DCLK1: variants seen among roughly 807,000 people sequenced by gnomAD.
DCLK1 encodes the protein serine/threonine-protein kinase DCLK1.
Under a neutral mutation model 86.2 loss-of-function variants are expected in DCLK1, and 16 were observed. The ratio of observed to expected loss-of-function variants is 0.19; its 90% CI spans 0.13 to 0.28. DCLK1 has a LOEUF of 0.28. Ranked by LOEUF, DCLK1 falls within the 10% of genes least tolerant of loss-of-function variation. The pLI is 1.00. For synonymous variants in DCLK1, 369 were observed against 370.5 expected, an observed-to-expected ratio of 1.00 and a Z score of 0.05; for missense variants, 590 against 940.2, an observed-to-expected ratio of 0.63 and a Z score of 4.87.
chr13:35,979,449 T>C (rs200003417), intron 3 of DCLK1, among the ~76,000 whole-genome samples: 1 of 152,116 alleles, frequency 6.6e-6, no homozygotes, highest in Non-Finnish European at 1.5e-5. Flanking sequence ...GCTTGGCAAA[T>C]GCATGACAGC....
intron 3 of DCLK1, among the ~76,000 whole-genome samples, chr13:36,027,869 C>T (rs1190273543): frequency 6.6e-6 from 1 of 152,070 alleles, no homozygotes; most frequent in African/African-American, 2.4e-5. Context: ...AGTAGTGGGA[C>T]TATAGGTGCA....
At chr13:35,863,359 T>G (rs972407325) in intron 5 of DCLK1, among the ~76,000 whole-genome samples, 8 of 152,218 alleles carry the variant, frequency 5.3e-5, no homozygotes, top group African/African-American at 1.7e-4. Context: ...CAGTAGATAC[T>G]CAGGAAATAT....
At chr13:35,853,534 C>A (rs1870812869) in intron 6 of DCLK1, among the ~76,000 whole-genome samples, 1 of 152,180 alleles carries the variant, frequency 6.6e-6, no homozygotes, top group Non-Finnish European at 1.5e-5. Flanking sequence ...ACAACCTGTG[C>A]AGAAATCTTG....
At chr13:35,980,563 G>A (rs140881199) in intron 3 of DCLK1, among the ~76,000 whole-genome samples, 3 of 152,248 alleles carry the variant, frequency 2.0e-5, no homozygotes, top group African/African-American at 7.2e-5. Context: ...TCTACTTTCT[G>A]TCTTTTTAAT....
intron 4 of DCLK1, among the ~76,000 whole-genome samples, chr13:35,891,540 T>C (rs967870126): frequency 3.9e-5 from 6 of 152,326 alleles, no homozygotes; most frequent in Middle Eastern, 3.4e-3. Context: ...CTAAAATTGA[T>C]TGTGGTGACG....
intron 3 of DCLK1, among the ~76,000 whole-genome samples, chr13:35,959,163 T>A (rs1878310265): frequency 6.6e-6 from 1 of 152,210 alleles, no homozygotes; most frequent in South Asian, 2.1e-4. Flanking sequence ...ATATTTCCTC[T>A]TTGTCTTCAT....
intron 6 of DCLK1, chr13:35,848,638 A>T (rs184857547): frequency 1.4e-5 from 14 of 985,372 alleles, no homozygotes; most frequent in Non-Finnish European, 8.4e-6. Flanking sequence ...ACCACTTAGA[A>T]CAAATAGCAT....
chr13:35,801,950 G>T (rs1376016085), intron 15 of DCLK1, among the ~76,000 whole-genome samples: 2 of 152,074 alleles, frequency 1.3e-5, no homozygotes, highest in Non-Finnish European at 2.9e-5. Context: ...TGCACATTCT[G>T]CTGGAACTGA....
intron 4 of DCLK1, among the ~76,000 whole-genome samples, chr13:35,875,167 T>C (rs1186593678): frequency 1.3e-5 from 2 of 152,234 alleles, no homozygotes; most frequent in Non-Finnish European, 2.9e-5. Flanking sequence ...TTAAGTAACA[T>C]TCAATTTTCT....
chr13:35,771,132 TG>T lies in DCLK1; in HGVS notation c.*3402del, dbSNP rs1162218624. 1.3e-5 allele frequency: 2 copies of T among 152,184 alleles called. No homozygotes were observed. Among genetic ancestry groups the T allele is most frequent in the Non-Finnish European group, 2.9e-5 (2 of 68,038 alleles). 9.4% of individuals were successfully genotyped at this position (152,184 alleles called of 1,614,324 possible). A position where few individuals can be genotyped will look rare whatever the true frequency, so the allele number is the denominator to read the frequency against. ...ACCATGATTTAATGTGCTTGAGACT[TG>T]GTCATATGGGAGCTCTGTGACCCTC... On this transcript the variant is annotated 3_prime_UTR_variant, in exon 17 of 17. Coordinates refer to ENST00000360631, the MANE Select transcript of DCLK1 (RefSeq NM_001330071.2).
At chr13:35,964,057 T>C (rs549251980) in intron 3 of DCLK1, among the ~76,000 whole-genome samples, 1 of 152,312 alleles carries the variant, frequency 6.6e-6, no homozygotes, top group South Asian at 2.1e-4. Context: ...CTGCATGAAG[T>C]TAAACTTGGA....
At chr13:35,958,131 A>ACTACAACCATCACCACCATCACTG (rs1555352808) in intron 3 of DCLK1, among the ~76,000 whole-genome samples, 3 of 49,732 alleles carry the variant, frequency 6.0e-5, no homozygotes, top group East Asian at 1.0e-3. Flanking sequence ...CACTACCACT[A>ACTACAACCATCACCACCATCACTG]CTATAACCAC....
intron 4 of DCLK1, among the ~76,000 whole-genome samples, chr13:35,910,364 T>C (rs1197644310): frequency 6.6e-6 from 1 of 152,194 alleles, no homozygotes; most frequent in African/African-American, 2.4e-5. Context: ...AAGAATGTGA[T>C]AATAACAGAG....
intron 3 of DCLK1, among the ~76,000 whole-genome samples, chr13:35,992,157 G>A (rs1001268953): frequency 2.0e-5 from 3 of 152,082 alleles, no homozygotes; most frequent in Non-Finnish European, 2.9e-5. Flanking sequence ...CTTCTAGTTC[G>A]CACTTCTTCC....
chr13:36,108,391 G>A (rs2138182010), intron 3 of DCLK1, among the ~76,000 whole-genome samples: 1 of 152,264 alleles, frequency 6.6e-6, no homozygotes, highest in South Asian at 2.1e-4. Context: ...CCTTATCTCA[G>A]TCTAAAAACA....
intron 16 of DCLK1, among the ~76,000 whole-genome samples, chr13:35,782,764 C>A (rs2086550843): frequency 6.6e-6 from 1 of 152,204 alleles, no homozygotes. Context: ...AAGCCCTAAT[C>A]CTGTTCTTGT....
intron 10 of DCLK1, among the ~76,000 whole-genome samples, chr13:35,824,864 T>C (rs2087483131): frequency 6.6e-6 from 1 of 152,130 alleles, no homozygotes; most frequent in African/African-American, 2.4e-5. Context: ...ATTTCTTCCC[T>C]AGCCATCCAA....
intron 3 of DCLK1, among the ~76,000 whole-genome samples, chr13:36,098,087 C>T (rs1350785985): frequency 6.6e-6 from 1 of 152,100 alleles, no homozygotes; most frequent in African/African-American, 2.4e-5. Context: ...GCCTGGCATA[C>T]GGTAAACATT....
chr13:35,867,907 GAAAAAGAA>G (rs750077125), intron 5 of DCLK1, among the ~76,000 whole-genome samples: 1 of 44,732 alleles, frequency 2.2e-5, no homozygotes, highest in Admixed American at 2.5e-4. Context: ...GAGAAAGAAA[GAAAAAGAA>G]AGAAAGAAAG....
Sources: gnomAD v4.1 joint callset for allele counts (sites outside exome capture counted in the v4.1 genomes callset) on GRCh38, gnomAD v4.1.1 for gene constraint, MANE v1.5 for transcripts, NCBI Gene and HGNC (gene_info 2026-07-23, HGNC 2026-07-21) for gene names.